The following HOOK2 variants were observed in gnomAD, a reference collection of about 807,000 sequenced individuals.
HOOK2 encodes the protein protein Hook homolog 2.
In HOOK2, 108 loss-of-function variants were observed where a neutral mutation model predicts 111.9. The observed-to-expected ratio is 0.96, with a 90% CI of 0.83 to 1.13. HOOK2 has a LOEUF of 1.13. Ranked by LOEUF, HOOK2 falls within the 50% of genes most tolerant of loss-of-function variation. HOOK2 has a pLI of 0.00. For synonymous variants in HOOK2, 405 were observed against 394.3 expected (o/e 1.03, Z -0.32); for missense variants, 978 against 951.3 (o/e 1.03, Z -0.37).
In HOOK2 at chr19:12,771,236, C is replaced by A. The variant is rs779041227; in HGVS notation, c.684G>T (p.Glu228Asp). ...LRERMGRPEGEGTPGLTAKKL... is the reference protein window; with the variant it reads ...LRERMGRPEGDGTPGLTAKKL... ...TCTTGGCAGTGAGACCTGGGGTACC[C>A]TCGCCTTCAGGCCGGCCCATCCGCT... The change falls in exon 9 of 23, where the codon GAG (glutamate) becomes GAT (aspartate). Residue 228 changes from glutamate to aspartate, a missense_variant. Transcript: ENST00000397668. 2 of 1,610,400 alleles carry A rather than the reference C, an allele frequency of 1.2e-6. No homozygotes were observed. The highest frequency in any genetic ancestry group is 1.1e-5 in the South Asian group (1 of 90,356).
intron 3 of HOOK2, chr19:12,773,269 AG>A: frequency 2.0e-6 from 1 of 505,438 alleles, no homozygotes; most frequent in East Asian, 3.3e-5. Context: ...TAGCTTTTTA[AG>A]ACAGGGTCTG....
upstream of HOOK2, among the ~76,000 whole-genome samples, chr19:12,778,134 C>T (rs868049638): frequency 1.3e-5 from 2 of 152,086 alleles, no homozygotes; most frequent in African/African-American, 2.4e-5. Context: ...ATTAGCTGTA[C>T]CCAGAGGGAG....
Position 12,770,047 on chromosome 19 carries a change from G to T in HOOK2, c.938C>A (p.Thr313Lys). Reference sequence around the variant, plus strand: ...CAAGCGGCGCCGGCAACTGGTCAGCGTGGCCTCCAGCTGCCCAGCACGCTC... The same window carrying T: ...CAAGCGGCGCCGGCAACTGGTCAGCTTGGCCTCCAGCTGCCCAGCACGCTC... ...SSERAGQLEA[T>K]LTSCRRRLGE... is the part of the protein sequence containing the mutation. The change falls in exon 11 of 23, where the codon ACG becomes AAG. Residue 313 changes from threonine (T) to lysine (K), a missense_variant. By Grantham distance (78) the Thr-to-Lys change is moderately conservative (BLOSUM62 -1). Around this residue, in one of 5 missense-constraint regions of HOOK2, gnomAD observed 388 missense variants for 358.3 expected, o/e 1.08. Transcript: ENST00000397668. 6.5e-7 allele frequency: 1 copy of T among 1,537,710 alleles called. No individual in the cohort carries two copies.
intron 18 of HOOK2, chr19:12,765,423 T>C (rs1282787876): frequency 1.7e-6 from 1 of 588,120 alleles, no homozygotes; most frequent in Non-Finnish European, 3.0e-6. Flanking sequence ...CTTTCTAGAA[T>C]ACAAATCTCT....
chr19:12,768,244 C>CT (rs1968216651), intron 11 of HOOK2, 121 bp from the exon 12 acceptor site: 4 of 765,322 alleles, frequency 5.2e-6, no homozygotes, highest in Non-Finnish European at 8.4e-6. Context: ...TACTATGGTG[C>CT]TTTCAGCTGT....
chr19:12,766,255 G>GGA lies in HOOK2; in HGVS notation c.1374-17_1374-16dup. The GGA allele has an allele frequency of 6.5e-7, 1 of 1,549,852 alleles. No individual in the cohort carries two copies. ...GGAGCGTCTCCCTGCAGACCCGGGAGGAGAGAGCAGGGCCAGGGTCGAGTC... is the reference window on the plus strand; with the variant it reads ...GGAGCGTCTCCCTGCAGACCCGGGAGGAGAGAGAGCAGGGCCAGGGTCGAGTC... On this transcript the variant is annotated splice_polypyrimidine_tract_variant and intron_variant, in intron 14 of 22. Transcript: ENST00000397668.
At position 12,765,041 on chromosome 19, in the gene HOOK2, G is replaced by A. The variant is rs750275922; in HGVS notation, c.1681C>T (p.Arg561Trp). ...HEADLELQRKREYIEELEPPT... is the reference protein window; with the variant it reads ...HEADLELQRKWEYIEELEPPT... ...GGCTCCAGCTCCTCAATGTACTCCC[G>A]CTTCCTCTGCAACTCCAGATCTGCC... Residue 561 changes from arginine (R) to tryptophan (W), a missense_variant, in exon 19 of 23, where the codon CGG becomes TGG. Coordinates refer to ENST00000397668, the MANE Select transcript of HOOK2 (RefSeq NM_013312.3). 3.8e-5 allele frequency: 61 copies of A among 1,613,970 alleles called. No individual in the cohort carries two copies. The highest frequency in any genetic ancestry group is 8.0e-5 in the African/African-American group (6 of 74,894).
intron 11 of HOOK2, 89 bp downstream of exon 11, chr19:12,769,792 G>A (rs1419046113): frequency 9.3e-7 from 1 of 1,073,352 alleles, no homozygotes; most frequent in Non-Finnish European, 1.2e-6. Context: ...AAATAAGGGA[G>A]GGGATCAGGG....
rs1393407737 is a variant in HOOK2 at position 12,770,941 on chromosome 19, T to G, written c.893A>C (p.Asp298Ala). ...GGAACCCACCACTCACCGTAGTTCA[T>G]CCATCTCATCCTTCAGGGCCTGTGC... Reference protein sequence around the residue: ...QEAQALKDEMDELRQSSERAG... With the variant: ...QEAQALKDEMAELRQSSERAG... The change falls in exon 10 of 23, where the codon GAT becomes GCT. Residue 298 changes from aspartate (D) to alanine (A), a missense_variant. Asp to Ala is a moderately radical substitution (Grantham distance 126, BLOSUM62 -2). Coordinates refer to ENST00000397668, the MANE Select transcript of HOOK2 (RefSeq NM_013312.3). The G allele has an allele frequency of 6.2e-7, 1 of 1,600,260 alleles. No individual in the cohort carries two copies. The highest frequency in any genetic ancestry group is 1.3e-5 in the African/African-American group (1 of 74,706).
rs1277974885 is a variant in HOOK2, at chr19:12,771,446, G to A, written c.551C>T (p.Ala184Val). Residue 184 changes from alanine (A) to valine (V), a missense_variant, in exon 8 of 23, where the codon GCT becomes GTT. This residue lies in a region of HOOK2 where 301 missense variants were observed against 286.1 expected (regional missense o/e 1.05). Coordinates refer to ENST00000397668, the MANE Select transcript of HOOK2 (RefSeq NM_013312.3). ...CTGCTGTAATTCGTCCCCCTCCTCA[G>A]CCTCCTCACTTAGGAAATAGTACCT... ...SRRYYFLSEE[A>V]EEGDELQQRC... The A allele has an allele frequency of 1.9e-6, 3 of 1,613,490 alleles. No homozygotes were observed. The East Asian group carries it at 6.7e-5, about 36-fold the overall frequency.
At chr19:12,789,784 C>T (rs934273339) in intron 3 of HOOK2, among the ~76,000 whole-genome samples, 1 of 151,244 alleles carries the variant, frequency 6.6e-6, no homozygotes, top group African/African-American at 2.4e-5. Flanking sequence ...CGGGGTGGGG[C>T]GGGGCCGGGC....
Position 12,767,848 on chromosome 19 carries a change from G to A in HOOK2, c.1271C>T (p.Ala424Val). 6.2e-7 allele frequency: 1 copy of A among 1,605,438 alleles called. No individual in the cohort carries two copies. The change falls in exon 13 of 23, where the codon GCC becomes GTC. Residue 424 changes from alanine to valine, a missense_variant. Coordinates refer to ENST00000397668, the MANE Select transcript of HOOK2 (RefSeq NM_013312.3). Reference protein sequence around the residue: ...LREANEELRCAQLQPRGLTQA... With the variant: ...LREANEELRCVQLQPRGLTQA... The stretch of plus-strand genomic sequence containing the variant: ...GGTCAACCCCCGCGGCTGCAGCTGG[G>A]CGCAGCGCAGCTCCTCATTGGCCTC...
Position 12,791,990 on chromosome 19 carries a change from C to T in HOOK2, n.42-17765G>A. 4 of 1,611,616 alleles carry T rather than the reference C, an allele frequency of 2.5e-6. No individual in the cohort carries two copies. The highest frequency in any genetic ancestry group is 2.5e-6 in the Non-Finnish European group (3 of 1,179,458). Reference sequence around the variant, plus strand: ...GCGGCAGCTACTTTTCTGGTCAGGGCTCGGACACCGGCGCGTCTCTCAAGC... The same window carrying T: ...GCGGCAGCTACTTTTCTGGTCAGGGTTCGGACACCGGCGCGTCTCTCAAGC... On this transcript the variant is annotated intron_variant and non_coding_transcript_variant, in intron 3 of 3. Transcript: ENST00000589765. This position sits in a 1 kb window ranked among gnomAD's most constrained non-coding sequence, Gnocchi z 7.0.
rs1968109311 is a variant in HOOK2, at chr19:12,765,110, C to A, written c.1641-29G>T. ...TGGGCCGGGGATGAGCAGCAGTGGGCTGACCTCCGGGCTGGCTTCTCTTTT... is the reference window on the plus strand; with the variant it reads ...TGGGCCGGGGATGAGCAGCAGTGGGATGACCTCCGGGCTGGCTTCTCTTTT... On this transcript the variant is annotated intron_variant, in intron 18 of 22. Transcript: ENST00000397668. 3.1e-6 allele frequency: 5 copies of A among 1,611,084 alleles called. No homozygotes were observed. The South Asian group carries it at 5.5e-5, about 18-fold the overall frequency.
intron 11 of HOOK2, 119 bp downstream of exon 11, chr19:12,769,762 G>T (rs1968258836): frequency 2.5e-5 from 20 of 800,498 alleles, no homozygotes; most frequent in Non-Finnish European, 3.6e-5. Flanking sequence ...GAAGAGGCCC[G>T]GAGAGCGTGG....
Position 12,769,917 on chromosome 19 carries a change from GC to G in HOOK2, c.1067del (p.Gly356AlafsTer26), listed in dbSNP as rs1968266200. The G allele has an allele frequency of 6.5e-7, 1 of 1,531,942 alleles. No homozygotes were observed. The highest frequency in any genetic ancestry group is 2.6e-5 in the East Asian group (1 of 39,168). The allele number at this position is 1,531,942 out of a possible 1,614,324, so 94.9% of individuals were successfully genotyped here. A position where few individuals can be genotyped will look rare whatever the true frequency, so the allele number is the denominator to read the frequency against. Reference protein sequence around the residue: ...RQLEDELRRAGSLRAQLEAQR... With the variant: ...RQLEDELRRAXSLRAQLEAQR... Reference sequence around the variant, plus strand: ...GCGCCTCCAGCTGGGCGCGCAGGGAGCCCGCTCGGCGTAGCTCATCCTCCAG... The same window carrying G: ...GCGCCTCCAGCTGGGCGCGCAGGGAGCCGCTCGGCGTAGCTCATCCTCCAG... On this transcript the variant is annotated frameshift_variant, in exon 11 of 23. Coordinates refer to ENST00000397668, the MANE Select transcript of HOOK2 (RefSeq NM_013312.3). LOFTEE classifies it high-confidence loss of function.
chr19:12,764,304 G>A (rs1401917651), intron 20 of HOOK2: 2 of 155,186 alleles, frequency 1.3e-5, no homozygotes, highest in Admixed American at 6.4e-5. Flanking sequence ...GTGAGCCACT[G>A]CGCCTGGCTG....
chr19:12,791,745 C>A lies in HOOK2; in HGVS notation n.42-17520G>T. The A allele has an allele frequency of 6.5e-7, 1 of 1,547,536 alleles. No individual in the cohort carries two copies. On this transcript the variant is annotated intron_variant and non_coding_transcript_variant, in intron 3 of 3. Transcript: ENST00000589765. This position sits in a 1 kb window ranked among gnomAD's most constrained non-coding sequence, Gnocchi z 7.0. ...AGGCCCGGAGCGGCCCCGCAGGGAC[C>A]CTCCCCAGACCGCCTGGGCCGCCCG...
At chr19:12,788,028 C>T (rs1006677628) in intron 3 of HOOK2, among the ~76,000 whole-genome samples, 3 of 152,198 alleles carry the variant, frequency 2.0e-5, no homozygotes, top group African/African-American at 7.2e-5. Context: ...GCACTCCAGC[C>T]TGGGCGACAG....
Sources: gnomAD v4.1 joint callset for allele counts (sites outside exome capture counted in the v4.1 genomes callset) on GRCh38, gnomAD v4.1.1 for gene constraint, gnomAD v4.1.1 regional missense constraint, Gnocchi (gnomAD v3.1) non-coding constraint, MANE v1.5 for transcripts, NCBI Gene and HGNC (gene_info 2026-07-23, HGNC 2026-07-21) for gene names.